Variants in ANKS6 observed in about 807,000 individuals in gnomAD.
ANKS6 encodes ankyrin repeat and SAM domain-containing protein 6.
In ANKS6, 47 loss-of-function variants were observed where a neutral mutation model predicts 77.9. The ratio of observed to expected loss-of-function variants is 0.60; its 90% confidence interval spans 0.48 to 0.77. The LOEUF is 0.77. Ranked by LOEUF, ANKS6 falls within the 30% of genes least tolerant of loss-of-function variation. The pLI, the probability that ANKS6 is intolerant of heterozygous loss-of-function variation, is 0.00. For missense variants in ANKS6, 1,150 were observed against 1,159.1 expected (o/e 0.99, Z 0.11); for synonymous variants, 488 against 501.7 (o/e 0.97, Z 0.37).
rs1831337000 is a variant in ANKS6, at chr9:98,733,819, C to T, written c.*2700G>A. The stretch of plus-strand genomic sequence containing the variant: ...ACCAGGGAACCTCACCCCACTTTCA[C>T]ATACACACCCTACGTTTCTTTATGA... On this transcript the variant is annotated 3_prime_UTR_variant, in exon 15 of 15. Transcript: ENST00000353234. The T allele has an allele frequency of 1.0e-6, 1 of 985,318 alleles. No homozygotes were observed. The highest frequency in any genetic ancestry group is 1.2e-6 in the Non-Finnish European group (1 of 829,936). 61.0% of individuals were successfully genotyped at this position (985,318 alleles called of 1,614,324 possible).
chr9:98,741,037 CTT>C (rs1831800975), intron 14 of ANKS6, among the ~76,000 whole-genome samples: 1 of 152,192 alleles, frequency 6.6e-6, no homozygotes, highest in Non-Finnish European at 1.5e-5. Context: ...GATTCTGACT[CTT>C]TGACTCAGTA....
intron 11 of ANKS6, among the ~76,000 whole-genome samples, chr9:98,759,748 T>A (rs964806260): frequency 2.0e-5 from 3 of 152,122 alleles, no homozygotes; most frequent in African/African-American, 7.2e-5. Context: ...GAATGGAAAG[T>A]GAAACACTGC....
Position 98,748,745 on chromosome 9 carries a change from CCTT to C in ANKS6, c.2394+2281_2394+2283del, listed in dbSNP as rs554951800. Among the ~76,000 whole-genome samples the C allele has an allele frequency of 3.5e-4, 54 of 152,156 alleles. No individual in the cohort carries two copies. In the South Asian group the frequency reaches 0.011, roughly 32 times the overall value. On this transcript the variant is annotated intron_variant, in intron 13 of 14. Transcript: ENST00000353234. ...TCCAAACTTTTTGTGGGAAAAATCA[CCTT>C]ATTTTTTGTTTAAGGTACCATTATT... is the stretch of plus-strand genomic sequence containing the variant.
intron 2 of ANKS6, among the ~76,000 whole-genome samples, chr9:98,785,252 T>C (rs1337358149): frequency 6.6e-6 from 1 of 152,252 alleles, no homozygotes; most frequent in Non-Finnish European, 1.5e-5. Flanking sequence ...AAATTTTTTT[T>C]CTTCTAAAAA....
chr9:98,789,884 T>C (rs1446708005), intron 2 of ANKS6: 2 of 577,128 alleles, frequency 3.5e-6, no homozygotes, highest in Non-Finnish European at 5.5e-6. Context: ...TTCCAGGCTC[T>C]TGCCCAGGGC....
chr9:98,773,957 C>A lies in ANKS6; in HGVS notation c.1741G>T (p.Gly581Trp), dbSNP rs750034139. The A allele has an allele frequency of 3.1e-6, 5 of 1,602,634 alleles. No individual in the cohort carries two copies. The highest frequency in any genetic ancestry group is 2.6e-6 in the Non-Finnish European group (3 of 1,176,466). Reference sequence around the variant, plus strand: ...GCAGTCTTCATGGGGTCTGCCTTCCCGTTGTGACGCGTCCGGGACCGATCA... The same window carrying A: ...GCAGTCTTCATGGGGTCTGCCTTCCAGTTGTGACGCGTCCGGGACCGATCA... Reference protein sequence around the residue: ...SSDRSRTRHNGKADPMKTALP... With the variant: ...SSDRSRTRHNWKADPMKTALP... Residue 581 changes from glycine (G) to tryptophan (W), a missense_variant, in exon 9 of 15, where the codon GGG becomes TGG. Transcript: ENST00000353234.
In ANKS6 at chr9:98,736,530, G is replaced by A; in HGVS notation, c.2605C>T (p.Pro869Ser). Reference protein sequence around the residue: ...ASNTRAPGNSPCA With the variant: ...ASNTRAPGNSSCA Reference sequence around the variant, plus strand: ...TGCGGGAAGGAGGATCACGCACAGGGGCTGTTGCCAGGGGCCCTGGTGTTG... The same window carrying A: ...TGCGGGAAGGAGGATCACGCACAGGAGCTGTTGCCAGGGGCCCTGGTGTTG... The change falls in exon 15 of 15, where the codon CCC becomes TCC. Residue 869 changes from proline (P) to serine (S), a missense_variant. Transcript: ENST00000353234. The A allele has an allele frequency of 6.2e-7, 1 of 1,611,672 alleles. No individual in the cohort carries two copies. The highest frequency in any genetic ancestry group is 8.5e-7 in the Non-Finnish European group (1 of 1,178,406).
intron 11 of ANKS6, among the ~76,000 whole-genome samples, chr9:98,766,504 T>G (rs950678530): frequency 1.3e-5 from 2 of 152,184 alleles, no homozygotes; most frequent in African/African-American, 4.8e-5. Flanking sequence ...CTAAAAATTC[T>G]TACTATCTGA....
intron 5 of ANKS6, 29 bp downstream of exon 5, chr9:98,782,438 T>A (rs1274303183): frequency 6.3e-7 from 1 of 1,595,552 alleles, no homozygotes; most frequent in African/African-American, 1.3e-5. Flanking sequence ...GCTGGGTAGA[T>A]TTACAACCCT....
chr9:98,756,551 C>T lies in ANKS6; in HGVS notation c.2195G>A (p.Ser732Asn). 1 of 1,583,102 alleles carries T rather than the reference C, an allele frequency of 6.3e-7. No homozygotes were observed. The highest frequency in any genetic ancestry group is 2.3e-5 in the East Asian group (1 of 43,826). The change falls in exon 12 of 15, where the codon AGC becomes AAC. Residue 732 changes from serine to asparagine, a missense_variant. Physicochemically the swap from Ser to Asn is conservative, Grantham distance 46. Coordinates refer to ENST00000353234, the MANE Select transcript of ANKS6 (RefSeq NM_173551.5). Reference protein sequence around the residue: ...PPSGTSTTSKSTSPTLTPSPS... With the variant: ...PPSGTSTTSKNTSPTLTPSPS... ...GGAGGGCGTGAGGGTTGGAGAGGTG[C>T]TCTTGGAGGTAGTGGAAGTTCCAGA...
At chr9:98,775,229 C>T in intron 8 of ANKS6, among the ~76,000 whole-genome samples, 1 of 152,352 alleles carries the variant, frequency 6.6e-6, no homozygotes, top group East Asian at 1.9e-4. Context: ...TTCTGGAAGC[C>T]AATGACATTC....
At position 98,735,367 on chromosome 9, in the gene ANKS6, C is replaced by A; in HGVS notation, c.*1152G>T. ...TGGCACCTGGTAGCTAACATAAATG[C>A]AACAAGCACTGGCTGAATGAGTCAT... On this transcript the variant is annotated 3_prime_UTR_variant, in exon 15 of 15. Coordinates refer to ENST00000353234, the MANE Select transcript of ANKS6 (RefSeq NM_173551.5). 1.9e-6 allele frequency: 2 copies of A among 1,072,186 alleles called. No homozygotes were observed. Among genetic ancestry groups the A allele is most frequent in the Non-Finnish European group, 2.3e-6 (2 of 887,714 alleles). The allele number at this position is 1,072,186 out of a possible 1,614,324, so 66.4% of individuals were successfully genotyped here. A position where few individuals can be genotyped will look rare whatever the true frequency, so the allele number is the denominator to read the frequency against.
At chr9:98,794,951 C>T (rs1453823061) in intron 1 of ANKS6, among the ~76,000 whole-genome samples, 1 of 152,094 alleles carries the variant, frequency 6.6e-6, no homozygotes, top group Non-Finnish European at 1.5e-5. Flanking sequence ...GATGTGTGGC[C>T]AGGTTTGGGT....
intron 8 of ANKS6, among the ~76,000 whole-genome samples, chr9:98,776,222 C>A (rs1354562057): frequency 6.6e-6 from 1 of 152,050 alleles, no homozygotes; most frequent in Admixed American, 6.5e-5. Flanking sequence ...TGTTTAAAAA[C>A]CATAACCATG....
chr9:98,761,600 CTG>C (rs1215673457), intron 11 of ANKS6, among the ~76,000 whole-genome samples: 1 of 152,204 alleles, frequency 6.6e-6, no homozygotes, highest in Admixed American at 6.5e-5. Context: ...GCTTTTGGCA[CTG>C]TGAGATACAC....
At chr9:98,750,700 T>C (rs755156955) in intron 13 of ANKS6, among the ~76,000 whole-genome samples, 3 of 152,162 alleles carry the variant, frequency 2.0e-5, no homozygotes, top group Non-Finnish European at 4.4e-5. Flanking sequence ...ATAACACAGG[T>C]TCCTTAGGGT....
rs1564168154 is a variant in ANKS6, at chr9:98,736,004, C to G, written c.*515G>C. ...TAACCTCTCACCATAATACATACCC[C>G]CCATCTAAGTCAAAAGTTGTTGCTG... On this transcript the variant is annotated 3_prime_UTR_variant, in exon 15 of 15. Transcript: ENST00000353234. 9 of 1,217,966 alleles carry G rather than the reference C, an allele frequency of 7.4e-6. No individual in the cohort carries two copies. Among genetic ancestry groups the G allele is most frequent in the Non-Finnish European group, 9.2e-6 (9 of 979,590 alleles). 75.4% of individuals were successfully genotyped at this position (1,217,966 alleles called of 1,614,324 possible). A position where few individuals can be genotyped will look rare whatever the true frequency, so the allele number is the denominator to read the frequency against.
chr9:98,735,962 A>G lies in ANKS6; in HGVS notation c.*557T>C, dbSNP rs1403533252. 1.6e-6 allele frequency: 2 copies of G among 1,227,968 alleles called. No individual in the cohort carries two copies. Among genetic ancestry groups the G allele is most frequent in the Non-Finnish European group, 2.0e-6 (2 of 986,344 alleles). 76.1% of individuals were successfully genotyped at this position (1,227,968 alleles called of 1,614,324 possible). On this transcript the variant is annotated 3_prime_UTR_variant, in exon 15 of 15. Transcript: ENST00000353234. ...GGGGCAAGTTAGAAGTTTTAAGGGA[A>G]GATGTGCCAGGAAGGCTAACCTCTC... is the stretch of plus-strand genomic sequence containing the variant.
intron 6 of ANKS6, among the ~76,000 whole-genome samples, chr9:98,779,850 G>C (rs986417247): frequency 1.1e-4 from 17 of 152,046 alleles, no homozygotes; most frequent in African/African-American, 2.2e-4. Context: ...TTTTAGTAGA[G>C]ACGGGGTTTC....
Sources: allele counts gnomAD v4.1 joint callset (sites outside exome capture counted in the v4.1 genomes callset), GRCh38; gene constraint gnomAD v4.1.1; transcripts MANE v1.5; gene names NCBI Gene and HGNC (gene_info 2026-07-23, HGNC 2026-07-21).